Variants in NRXN2 observed in about 807,000 individuals in gnomAD.
NRXN2 encodes neurexin-2-beta.
A neutral mutation model predicts 128.8 loss-of-function variants in NRXN2; 29 were observed. That is an observed-to-expected ratio of 0.23 (90% CI 0.17 to 0.31). The LOEUF is 0.31. Ranked by LOEUF, NRXN2 falls within the 10% of genes least tolerant of loss-of-function variation. The probability of loss-of-function intolerance (pLI) is 1.00; values close to 1 mark genes in which losing one functional copy is unlikely to be tolerated. For missense variants in NRXN2, 1,881 were observed against 2,452.6 expected, an observed-to-expected ratio of 0.77 and a Z score of 4.92; for synonymous variants, 1,098 against 1,075.2, an observed-to-expected ratio of 1.02 and a Z score of -0.41.
intron 1 of NRXN2, among the ~76,000 whole-genome samples, chr11:64,718,593 G>C (rs1428654774): frequency 6.6e-6 from 1 of 152,154 alleles, no homozygotes; most frequent in Non-Finnish European, 1.5e-5. Flanking sequence ...GGGGTGGTGA[G>C]TTCCCCGTCT....
At chr11:64,719,215 T>C (rs2057373593) in intron 1 of NRXN2, among the ~76,000 whole-genome samples, 1 of 152,080 alleles carries the variant, frequency 6.6e-6, no homozygotes, top group South Asian at 2.1e-4. Flanking sequence ...CAGGGCTTGG[T>C]GAGAAAAGTA....
chr11:64,719,866 G>A (rs764530683), intron 1 of NRXN2, among the ~76,000 whole-genome samples: 6 of 152,162 alleles, frequency 3.9e-5, no homozygotes, highest in African/African-American at 7.2e-5. Flanking sequence ...GTGTGTGCGC[G>A]TGTGTGTGCG....
At chr11:64,624,669 G>A (rs1051057347) in intron 20 of NRXN2, among the ~76,000 whole-genome samples, 1 of 152,224 alleles carries the variant, frequency 6.6e-6, no homozygotes, top group Non-Finnish European at 1.5e-5. Context: ...GGGCTTCTCA[G>A]AGCCTTTATT....
At chr11:64,686,563 G>A (rs959733995) in intron 5 of NRXN2, among the ~76,000 whole-genome samples, 1 of 152,210 alleles carries the variant, frequency 6.6e-6, no homozygotes, top group Non-Finnish European at 1.5e-5. Context: ...ACACGAAGGC[G>A]ATGCAGGTGA....
chr11:64,660,855 C>A lies in NRXN2; in HGVS notation c.2083G>T (p.Ala695Ser). The A allele has an allele frequency of 1.9e-6, 3 of 1,613,966 alleles. No individual in the cohort carries two copies. Among genetic ancestry groups the A allele is most frequent in the African/African-American group, 2.7e-5 (2 of 75,060 alleles). ...CCCCCATTGCGACAGGGGGCAGATG[C>A]ACACTGCTTCAGCGTCTCCCGGGAG... ...FCSRETLKQC[A>S]SAPCRNGGVC... The change falls in exon 10 of 23, where the codon GCA becomes TCA. Residue 695 changes from alanine (A) to serine (S), a missense_variant. Physicochemically the swap from Ala to Ser is moderately conservative, Grantham distance 99. This residue lies in a region of NRXN2 where 997 missense variants were observed against 1,240.8 expected (regional missense o/e 0.80). Coordinates refer to ENST00000265459, the MANE Select transcript of NRXN2 (RefSeq NM_015080.4). This position sits in a 1 kb window ranked among gnomAD's most constrained non-coding sequence, Gnocchi z 5.2.
intron 22 of NRXN2, among the ~76,000 whole-genome samples, chr11:64,615,829 CGTGTGTGTGTGTGTGTGT>C (rs34781745): frequency 1.4e-5 from 2 of 139,112 alleles, no homozygotes; most frequent in South Asian, 2.3e-4. Context: ...TAGGCCCAAG[CGTGTGTGTGTGTGTGTGT>C]GTGTGTGTGT....
chr11:64,707,151 C>T (rs1042210139), intron 2 of NRXN2, among the ~76,000 whole-genome samples: 3 of 151,986 alleles, frequency 2.0e-5, no homozygotes, highest in Non-Finnish European at 4.4e-5. Context: ...CCAAGGTGGG[C>T]GGATCATGAG....
At chr11:64,645,542 G>C (rs925850230) in intron 17 of NRXN2, among the ~76,000 whole-genome samples, 3 of 152,024 alleles carry the variant, frequency 2.0e-5, no homozygotes, top group African/African-American at 4.8e-5. Context: ...TCAGCCCTGG[G>C]AAGTGTCTCT....
chr11:64,707,941 A>G (rs147917531), intron 2 of NRXN2, among the ~76,000 whole-genome samples: 2,665 of 152,110 alleles, frequency 0.018, 65 homozygotes, highest in African/African-American at 0.06. Flanking sequence ...TAAAAATACA[A>G]AATTAGCCAG....
chr11:64,704,440 G>T (rs2055927114), intron 2 of NRXN2, among the ~76,000 whole-genome samples: 1 of 152,104 alleles, frequency 6.6e-6, no homozygotes, highest in African/African-American at 2.4e-5. Flanking sequence ...TCATGGAGCT[G>T]TAAAACTGCA....
intron 7 of NRXN2, chr11:64,675,761 C>T (rs1565379855): frequency 6.5e-6 from 1 of 153,542 alleles, no homozygotes; most frequent in Non-Finnish European, 1.5e-5. Flanking sequence ...CTCCACAGTC[C>T]ACCTCCACAC....
At chr11:64,702,967 T>A (rs2055703329) in intron 2 of NRXN2, among the ~76,000 whole-genome samples, 1 of 115,318 alleles carries the variant, frequency 8.7e-6, no homozygotes. Context: ...TCAGCCCAGG[T>A]CTCTAAAAAA....
intron 5 of NRXN2, among the ~76,000 whole-genome samples, chr11:64,686,212 C>G (rs2053026897): frequency 6.6e-6 from 1 of 152,206 alleles, no homozygotes; most frequent in Non-Finnish European, 1.5e-5. Flanking sequence ...TGACAGCTGA[C>G]AATTACTCTG....
In NRXN2 at chr11:64,660,191, C is replaced by T; in HGVS notation, c.2389+141G>A. The T allele has an allele frequency of 1.1e-6, 1 of 878,680 alleles. No homozygotes were observed. Among genetic ancestry groups the T allele is most frequent in the South Asian group, 1.5e-5 (1 of 66,178 alleles). The allele number at this position is 878,680 out of a possible 1,614,324, so 54.4% of individuals were successfully genotyped here. A position where few individuals can be genotyped will look rare whatever the true frequency, so the allele number is the denominator to read the frequency against. ...GGACAGAGCTCTCAGGGTCTCTGAC[C>T]CAGGCTGGCGCCTCCCCACCTCCAA... On this transcript the variant is annotated intron_variant, in intron 11 of 22. Coordinates refer to ENST00000265459, the MANE Select transcript of NRXN2 (RefSeq NM_015080.4). This position sits in a 1 kb window ranked among gnomAD's most constrained non-coding sequence, Gnocchi z 5.2.
chr11:64,639,714 G>A (rs1244189227), intron 17 of NRXN2, among the ~76,000 whole-genome samples: 1 of 151,924 alleles, frequency 6.6e-6, no homozygotes, highest in Non-Finnish European at 1.5e-5. Flanking sequence ...GGTAAATGGG[G>A]GATGGTGTGA....
In NRXN2 at chr11:64,667,456, A is replaced by G; in HGVS notation, c.1592T>C (p.Leu531Pro). 6.2e-7 allele frequency: 1 copy of G among 1,614,092 alleles called. No homozygotes were observed. The highest frequency in any genetic ancestry group is 8.5e-7 in the Non-Finnish European group (1 of 1,180,026). Residue 531 changes from leucine (L) to proline (P), a missense_variant, in exon 9 of 23, where the codon CTC becomes CCC. This residue lies in a region of NRXN2 where 997 missense variants were observed against 1,240.8 expected (regional missense o/e 0.80). Transcript: ENST00000265459. The surrounding 1 kb of genome is among the most constrained non-coding windows in gnomAD (Gnocchi z 5.6). Reference protein sequence around the residue: ...FRTTEPNGLLLFSQGRRAGGG... With the variant: ...FRTTEPNGLLPFSQGRRAGGG... ...CCCAGCCCGCCGGCCCTGGCTGAAG[A>G]GCAGCAGCCCATTGGGCTCGGTGGT...
At chr11:64,636,747 G>T (rs934683150) in intron 17 of NRXN2, among the ~76,000 whole-genome samples, 3 of 152,104 alleles carry the variant, frequency 2.0e-5, no homozygotes, top group Admixed American at 2.0e-4. Context: ...GCAGTGGGGG[G>T]CAGGAGGGCC....
At chr11:64,639,858 C>A (rs2135407256) in intron 17 of NRXN2, among the ~76,000 whole-genome samples, 1 of 152,262 alleles carries the variant, frequency 6.6e-6, no homozygotes, top group East Asian at 1.9e-4. Flanking sequence ...GAGAGGAAGC[C>A]TGGCCTGGAA....
intron 17 of NRXN2, among the ~76,000 whole-genome samples, chr11:64,640,778 GAGATAA>G (rs1479174474): frequency 4.6e-5 from 7 of 152,150 alleles, no homozygotes; most frequent in East Asian, 1.9e-4. Context: ...CATGAAAAGG[GAGATAA>G]AGATAAAGTA....
Sources: gnomAD v4.1 joint callset for allele counts (sites outside exome capture counted in the v4.1 genomes callset) on GRCh38, gnomAD v4.1.1 for gene constraint, gnomAD v4.1.1 regional missense constraint, Gnocchi (gnomAD v3.1) non-coding constraint, MANE v1.5 for transcripts, NCBI Gene and HGNC (gene_info 2026-07-23, HGNC 2026-07-21) for gene names.